Variants in MLIP observed in about 807,000 individuals in gnomAD.
The protein encoded by MLIP is muscular LMNA interacting protein, also known as muscular LMNA-interacting protein.
MLIP carries 79 observed loss-of-function variants against 84.8 expected under a neutral mutation model. The ratio of observed to expected loss-of-function variants is 0.93; its 90% CI spans 0.78 to 1.12. The LOEUF (loss-of-function observed/expected upper bound fraction) is 1.12. Ranked by LOEUF, MLIP falls within the 50% of genes most tolerant of loss-of-function variation. The pLI, the probability that MLIP is intolerant of heterozygous loss-of-function variation, is 0.00. For synonymous variants in MLIP, 504 were observed against 463.0 expected, an observed-to-expected ratio of 1.09 and a Z score of -1.14; for missense variants, 1,257 against 1,160.6, an observed-to-expected ratio of 1.08 and a Z score of -1.21.
chr6:54,035,915 T>C (rs946161910), intron 1 of MLIP, among the ~76,000 whole-genome samples: 1 of 152,104 alleles, frequency 6.6e-6, no homozygotes, highest in Non-Finnish European at 1.5e-5. Flanking sequence ...TACCAGGTTG[T>C]AGCATGTCTT....
rs111532453 is a variant in MLIP at position 54,065,944 on chromosome 6, A to G, written c.63+46853A>G. ...TTCCAGTTTTCATACATAATAAATTATATGTATATACATCAAATACATCAA... is the reference window on the plus strand; with the variant it reads ...TTCCAGTTTTCATACATAATAAATTGTATGTATATACATCAAATACATCAA... On this transcript the variant is annotated intron_variant, in intron 1 of 12. Transcript: ENST00000274897. Among the ~76,000 whole-genome samples the G allele has an allele frequency of 2.9e-4, 29 of 99,520 alleles. 5 individuals are homozygous for G. Among genetic ancestry groups the G allele is most frequent in the African/African-American group, 6.9e-4 (27 of 39,174 alleles). 65.3% of individuals were successfully genotyped at this position (99,520 alleles called of 152,430 possible).
At chr6:54,153,535 G>T (rs1773683615) in intron 5 of MLIP, among the ~76,000 whole-genome samples, 1 of 152,006 alleles carries the variant, frequency 6.6e-6, no homozygotes, top group Admixed American at 6.6e-5. Flanking sequence ...ATTTCCTTAG[G>T]TGAGAATATT....
chr6:54,028,734 G>A (rs1763960125), intron 1 of MLIP: 1 of 152,116 alleles, frequency 6.6e-6, no homozygotes, highest in African/African-American at 2.4e-5. Flanking sequence ...TGCATGGGGT[G>A]GGGAAGGAAA....
chr6:54,253,951 C>T (rs1223211014), intron 12 of MLIP, among the ~76,000 whole-genome samples: 1 of 151,332 alleles, frequency 6.6e-6, no homozygotes, highest in Non-Finnish European at 1.5e-5. Context: ...TTAAATAATG[C>T]TCTCATGTTA....
intron 4 of MLIP, among the ~76,000 whole-genome samples, chr6:54,148,300 C>T (rs545159989): frequency 6.6e-6 from 1 of 152,218 alleles, no homozygotes; most frequent in Admixed American, 6.5e-5. Context: ...CATATTTATC[C>T]TGATTTCTAC....
intron 1 of MLIP, among the ~76,000 whole-genome samples, chr6:54,059,754 G>A (rs1033650419): frequency 7.1e-6 from 1 of 140,906 alleles, no homozygotes; most frequent in African/African-American, 2.5e-5. Flanking sequence ...AATAGCGTTT[G>A]GTTATTTAGC....
intron 1 of MLIP, among the ~76,000 whole-genome samples, chr6:54,052,754 A>AT (rs1765445839): frequency 6.6e-6 from 1 of 152,214 alleles, no homozygotes; most frequent in African/African-American, 2.4e-5. Flanking sequence ...AGATAGAAAT[A>AT]TGAGAAAACA....
chr6:54,259,793 T>G (rs1251654124), intron 13 of MLIP, among the ~76,000 whole-genome samples: 1 of 151,936 alleles, frequency 6.6e-6, no homozygotes, highest in Non-Finnish European at 1.5e-5. Context: ...ATTTTACTTC[T>G]TAGTAATATT....
At chr6:54,259,182 G>C (rs1783220050) in intron 13 of MLIP, among the ~76,000 whole-genome samples, 1 of 151,548 alleles carries the variant, frequency 6.6e-6, no homozygotes, top group East Asian at 1.9e-4. Context: ...TTGTTGAGTG[G>C]TAAACTCCAT....
intron 1 of MLIP, among the ~76,000 whole-genome samples, chr6:54,048,426 A>G (rs927564208): frequency 3.3e-5 from 5 of 152,178 alleles, no homozygotes; most frequent in Non-Finnish European, 7.3e-5. Flanking sequence ...AGCAGAGGTT[A>G]TTCAGAGATG....
At chr6:54,178,940 T>G (rs1264893598) in intron 9 of MLIP, among the ~76,000 whole-genome samples, 2 of 152,196 alleles carry the variant, frequency 1.3e-5, no homozygotes, top group African/African-American at 2.4e-5. Context: ...TTAAGTCTGA[T>G]GTTTCTCTGT....
rs1184437869 is a variant in MLIP at position 54,251,701 on chromosome 6, CAT to C, written c.2923-5604_2923-5603del. Among the ~76,000 whole-genome samples the C allele has an allele frequency of 8.2e-5, 7 of 85,714 alleles. No homozygotes were observed. In the East Asian group the frequency reaches 2.1e-3, roughly 25 times the overall value. The allele number at this position is 85,714 out of a possible 152,430, so 56.2% of individuals were successfully genotyped here. A position where few individuals can be genotyped will look rare whatever the true frequency, so the allele number is the denominator to read the frequency against. On this transcript the variant is annotated intron_variant, in intron 12 of 13. Coordinates refer to ENST00000502396, the MANE Select transcript of MLIP (RefSeq NM_001281747.2). Reference sequence around the variant, plus strand: ...CATATAATATAAATATATATTATAACATATGATACATATATATTATAACATAT... The same window carrying C: ...CATATAATATAAATATATATTATAACATGATACATATATATTATAACATAT...
intron 1 of MLIP, among the ~76,000 whole-genome samples, chr6:54,111,793 C>A (rs1031705958): frequency 2.0e-5 from 3 of 152,150 alleles, no homozygotes; most frequent in Non-Finnish European, 4.4e-5. Flanking sequence ...GCCCTTGGCA[C>A]AGTGATAATG....
intron 8 of MLIP, among the ~76,000 whole-genome samples, chr6:54,166,394 C>T (rs1269747731): frequency 1.3e-5 from 2 of 151,830 alleles, no homozygotes; most frequent in Non-Finnish European, 2.9e-5. Flanking sequence ...TCTTAGATCC[C>T]CTTTTTTTAT....
intron 10 of MLIP, among the ~76,000 whole-genome samples, chr6:54,190,796 C>CTTTTTTTTTT (rs1234496431): frequency 7.5e-6 from 1 of 133,750 alleles, no homozygotes. Flanking sequence ...CAAAGATTTT[C>CTTTTTTTTTT]TTTTTTTTTT....
chr6:54,241,264 A>G (rs1781717957), intron 12 of MLIP, among the ~76,000 whole-genome samples: 1 of 148,328 alleles, frequency 6.7e-6, no homozygotes, highest in Admixed American at 6.7e-5. Flanking sequence ...AGTAAGTAAA[A>G]GGAAACACAA....
At chr6:54,262,428 A>G (rs1475121403) in intron 13 of MLIP, among the ~76,000 whole-genome samples, 1 of 152,056 alleles carries the variant, frequency 6.6e-6, no homozygotes, top group Non-Finnish European at 1.5e-5. Flanking sequence ...CAAGTAAGAA[A>G]AAAATGACAG....
Position 54,067,041 on chromosome 6 carries a change from C to T in MLIP, c.63+47950C>T, listed in dbSNP as rs575084683. 2.0e-5 allele frequency among the ~76,000 whole-genome samples: 2 copies of T among 100,730 alleles called. 1 individual carries two copies. The highest frequency in any genetic ancestry group is 5.7e-5 in the Non-Finnish European group (2 of 34,948). The allele number at this position is 100,730 out of a possible 152,430, so 66.1% of individuals were successfully genotyped here. ...TTATTTCCAAACTAAATTATGTAAG[C>T]TTTTCTGCCTTTATCAGTTGCATTG... On this transcript the variant is annotated intron_variant, in intron 1 of 12. Transcript: ENST00000274897.
At chr6:54,054,857 A>C (rs569838400) in intron 1 of MLIP, among the ~76,000 whole-genome samples, 1 of 152,074 alleles carries the variant, frequency 6.6e-6, no homozygotes, top group South Asian at 2.1e-4. Flanking sequence ...TAAGTATATT[A>C]GTTACAGTGC....
Sources: gnomAD v4.1 joint callset for allele counts (sites outside exome capture counted in the v4.1 genomes callset) on GRCh38, gnomAD v4.1.1 for gene constraint, MANE v1.5 for transcripts, NCBI Gene and HGNC (gene_info 2026-07-23, HGNC 2026-07-21) for gene names.